Variants in ACTN4 observed in about 807,000 individuals in gnomAD.
The protein encoded by ACTN4 is actinin alpha 4.
ACTN4 carries 18 observed loss-of-function variants against 114.2 expected under a neutral mutation model. The observed-to-expected ratio is 0.16, with a 90% CI of 0.11 to 0.23. The LOEUF (loss-of-function observed/expected upper bound fraction) is 0.23. Among genes scored for constraint, ACTN4 ranks in the 10% least tolerant of loss-of-function variants. The probability of loss-of-function intolerance (pLI) is 1.00; values close to 1 mark genes in which losing one functional copy is unlikely to be tolerated. For synonymous variants in ACTN4, 515 were observed against 506.3 expected (o/e 1.02, Z -0.23); for missense variants, 722 against 1,262.9 (o/e 0.57, Z 6.49).
intron 1 of ACTN4, among the ~76,000 whole-genome samples, chr19:38,678,701 T>A (rs917244576): frequency 6.6e-6 from 1 of 152,188 alleles, no homozygotes; most frequent in African/African-American, 2.4e-5. Context: ...GGGCTTGGGC[T>A]TTGTCTCCTG....
chr19:38,707,327 A>G (rs1968495150), intron 5 of ACTN4, among the ~76,000 whole-genome samples: 1 of 151,960 alleles, frequency 6.6e-6, no homozygotes. Flanking sequence ...CATTTGTGGG[A>G]AGTTTACACC....
chr19:38,664,583 G>T (rs1390972743), intron 1 of ACTN4, among the ~76,000 whole-genome samples: 1 of 151,782 alleles, frequency 6.6e-6, no homozygotes, highest in African/African-American at 2.4e-5. Context: ...GCATCAGTAG[G>T]TTTACCATAG....
chr19:38,710,111 G>T (rs541643200), intron 7 of ACTN4, 146 bp from the exon 8 acceptor site: 4 of 814,676 alleles, frequency 4.9e-6, no homozygotes, highest in Admixed American at 1.7e-5. Context: ...GGGGCTGAGG[G>T]TGTGGCTGAG....
intron 11 of ACTN4, among the ~76,000 whole-genome samples, chr19:38,719,217 C>T (rs1379506004): frequency 6.6e-6 from 1 of 152,206 alleles, no homozygotes; most frequent in East Asian, 1.9e-4. Flanking sequence ...CTGGGAGAGC[C>T]ACAAGAGCCA....
chr19:38,667,922 G>C (rs1967014329), intron 1 of ACTN4, among the ~76,000 whole-genome samples: 1 of 152,204 alleles, frequency 6.6e-6, no homozygotes, highest in Admixed American at 6.5e-5. Context: ...AAGCAGCCCT[G>C]CGTGAAGGCA....
At chr19:38,677,611 A>AGCTGACCCCACACTAAGCT (rs11270068) in intron 1 of ACTN4, among the ~76,000 whole-genome samples, 1 of 151,786 alleles carries the variant, frequency 6.6e-6, no homozygotes, top group Admixed American at 6.6e-5. Flanking sequence ...CCCATCTAAA[A>AGCTGACCCCACACTAAGCT]GTGTGCTCTG....
intron 11 of ACTN4, among the ~76,000 whole-genome samples, chr19:38,720,250 A>G (rs1435339746): frequency 6.6e-6 from 1 of 152,144 alleles, no homozygotes; most frequent in Non-Finnish European, 1.5e-5. Context: ...TCCTGGGAAT[A>G]CGACCAACCC....
chr19:38,693,944 G>A (rs1373996508), intron 1 of ACTN4, among the ~76,000 whole-genome samples: 1 of 152,130 alleles, frequency 6.6e-6, no homozygotes, highest in African/African-American at 2.4e-5. Flanking sequence ...CCCCTTCCCC[G>A]CACTCACACC....
At chr19:38,715,128 A>G (rs758104487) in intron 9 of ACTN4, among the ~76,000 whole-genome samples, 4 of 152,224 alleles carry the variant, frequency 2.6e-5, no homozygotes, top group Non-Finnish European at 4.4e-5. Flanking sequence ...TCCAAACCCA[A>G]TGCTTCAGTT....
chr19:38,676,958 A>G (rs771298386), intron 1 of ACTN4, among the ~76,000 whole-genome samples: 2 of 152,160 alleles, frequency 1.3e-5, no homozygotes, highest in African/African-American at 2.4e-5. Flanking sequence ...CAAACCTGCA[A>G]GTCCCCAAGG....
At chr19:38,691,686 T>C (rs1458407252) in intron 1 of ACTN4, among the ~76,000 whole-genome samples, 5 of 152,174 alleles carry the variant, frequency 3.3e-5, no homozygotes, top group Admixed American at 6.5e-5. Context: ...GTGGATTACC[T>C]GAGATCAGGA....
chr19:38,699,093 G>A (rs1384605618), intron 1 of ACTN4, among the ~76,000 whole-genome samples: 3 of 152,202 alleles, frequency 2.0e-5, no homozygotes, highest in Non-Finnish European at 4.4e-5. Context: ...AGACACTTGG[G>A]GTTTTTCCCA....
chr19:38,701,323 A>G (rs1968268617), intron 3 of ACTN4, among the ~76,000 whole-genome samples: 2 of 152,136 alleles, frequency 1.3e-5, no homozygotes, highest in East Asian at 3.9e-4. Flanking sequence ...ACCCTTGGAA[A>G]AATCCGGTGG....
In ACTN4 at chr19:38,725,118, C is replaced by T. The variant is rs1025171504; in HGVS notation, c.2010+553C>T. 2.0e-5 allele frequency among the ~76,000 whole-genome samples: 3 copies of T among 152,294 alleles called. No individual in the cohort carries two copies. The East Asian group carries it at 5.8e-4, about 29-fold the overall frequency. On this transcript the variant is annotated intron_variant, in intron 16 of 20. Coordinates refer to ENST00000252699, the MANE Select transcript of ACTN4 (RefSeq NM_004924.6). The stretch of plus-strand genomic sequence containing the variant: ...ACAAATGCTTTTTGCACCAACTAAC[C>T]AGCCACATGAGTGCTGTCATTCTTA...
At position 38,725,704 on chromosome 19, in the gene ACTN4, G is replaced by A. The variant is rs767313161; in HGVS notation, c.2011-20G>A. On this transcript the variant is annotated intron_variant, in intron 16 of 20. Coordinates refer to ENST00000252699, the MANE Select transcript of ACTN4 (RefSeq NM_004924.6). ...GCAGGCCCACCAGCCTCACCCCACC[G>A]CCTGCACCCACCCCCGTAGGAGATC... 1.4e-5 allele frequency: 23 copies of A among 1,611,678 alleles called. No individual in the cohort carries two copies. Among genetic ancestry groups the A allele is most frequent in the Admixed American group, 6.7e-5 (4 of 59,872 alleles).
rs747771093 is a variant in ACTN4, at chr19:38,731,264, A to C, written c.*1832A>C. On this transcript the variant is annotated 3_prime_UTR_variant, in exon 21 of 21. Coordinates refer to ENST00000252699, the MANE Select transcript of ACTN4 (RefSeq NM_004924.6). ...TTCTGAGCCCAGTGGCCCACAGGGA[A>C]CCCACCTTGGCATTGCATCCCCACC... is the stretch of plus-strand genomic sequence containing the variant. The C allele has an allele frequency of 5.9e-6, 9 of 1,537,170 alleles. No homozygotes were observed. Among genetic ancestry groups the C allele is most frequent in the Non-Finnish European group, 7.2e-6 (8 of 1,114,052 alleles).
chr19:38,655,888 A>G (rs1305721937), intron 1 of ACTN4, among the ~76,000 whole-genome samples: 1 of 152,216 alleles, frequency 6.6e-6, no homozygotes, highest in Non-Finnish European at 1.5e-5. Context: ...CCTAATGCTA[A>G]ATGCTACGTA....
chr19:38,689,919 C>CT (rs1307328823), intron 1 of ACTN4, among the ~76,000 whole-genome samples: 2 of 152,152 alleles, frequency 1.3e-5, no homozygotes. Context: ...CCTAGGCCGA[C>CT]TAAGAATTGC....
chr19:38,655,308 C>T (rs1976681895), intron 1 of ACTN4, among the ~76,000 whole-genome samples: 1 of 152,160 alleles, frequency 6.6e-6, no homozygotes. Context: ...GCCCCCCAGG[C>T]TTGAGGCCTG....
Sources: gnomAD v4.1 joint callset for allele counts (sites outside exome capture counted in the v4.1 genomes callset) on GRCh38, gnomAD v4.1.1 for gene constraint, MANE v1.5 for transcripts, NCBI Gene and HGNC (gene_info 2026-07-23, HGNC 2026-07-21) for gene names.